PPME1: variants seen among roughly 807,000 people sequenced by gnomAD.
The protein encoded by PPME1 is protein phosphatase methylesterase 1.
PPME1 carries 17 observed loss-of-function variants against 56.9 expected under a neutral mutation model. The ratio of observed to expected loss-of-function variants is 0.30; its 90% CI spans 0.20 to 0.45. PPME1 has a LOEUF of 0.45. PPME1 is among the 20% of genes least tolerant of loss of function. The probability of loss-of-function intolerance (pLI) is 1.00; values close to 1 mark genes in which losing one functional copy is unlikely to be tolerated. For synonymous variants in PPME1, 122 were observed against 156.2 expected (o/e 0.78, Z 1.63); for missense variants, 357 against 483.2 (o/e 0.74, Z 2.45).
intron 13 of PPME1, among the ~76,000 whole-genome samples, chr11:74,252,810 G>C (rs889886130): frequency 6.6e-6 from 1 of 152,132 alleles, no homozygotes; most frequent in Non-Finnish European, 1.5e-5. Context: ...ATCCTAGGTA[G>C]CTCTTCATCT....
intron 11 of PPME1, 133 bp downstream of exon 11, chr11:74,247,256 C>T: frequency 1.5e-6 from 1 of 670,344 alleles, no homozygotes; most frequent in East Asian, 2.8e-5. Flanking sequence ...GGACATCCGC[C>T]TCTACTCCTA....
chr11:74,200,955 A>G (rs1312666641), intron 1 of PPME1, among the ~76,000 whole-genome samples: 1 of 151,720 alleles, frequency 6.6e-6, no homozygotes, highest in Non-Finnish European at 1.5e-5. Flanking sequence ...CCCGAGTGGC[A>G]GGAACTACAG....
At position 74,241,459 on chromosome 11, in the gene PPME1, A is replaced by T. The variant is rs181797412; in HGVS notation, c.834+2203A>T. Among the ~76,000 whole-genome samples, 597 of 152,238 alleles carry T rather than the reference A, an allele frequency of 3.9e-3. 5 individuals carry two copies. Among genetic ancestry groups the T allele is most frequent in the African/African-American group, 0.014 (568 of 41,534 alleles). ...ATACTTCTTTGAACATTTGTGTGCA[A>T]CTTTTTGTGTGGATATAGGCTTTTA... On this transcript the variant is annotated intron_variant, in intron 9 of 13. Coordinates refer to ENST00000328257, the MANE Select transcript of PPME1 (RefSeq NM_016147.3).
In PPME1 at chr11:74,239,405, C is replaced by T. The variant is rs935487488; in HGVS notation, c.834+149C>T. On this transcript the variant is annotated intron_variant, in intron 9 of 13. Transcript: ENST00000328257. ...CTATCATAAGAGATACTTAGCTTAA[C>T]TATAAGATGTAAAGCACTGTTGATA... is the stretch of plus-strand genomic sequence containing the variant. 7 of 1,312,456 alleles carry T rather than the reference C, an allele frequency of 5.3e-6. No individual in the cohort carries two copies. In the Middle Eastern group the frequency reaches 5.8e-4, roughly 109 times the overall value. 81.3% of individuals were successfully genotyped at this position (1,312,456 alleles called of 1,614,324 possible).
At chr11:74,250,787 A>T in intron 11 of PPME1, 167 bp from the exon 12 acceptor site, 1 of 607,120 alleles carries the variant, frequency 1.6e-6, no homozygotes, top group Non-Finnish European at 3.0e-6. Context: ...GCAAGGTTAC[A>T]ATTACTTGTA....
intron 9 of PPME1, among the ~76,000 whole-genome samples, chr11:74,241,208 G>A (rs1012050581): frequency 2.0e-5 from 3 of 152,116 alleles, no homozygotes; most frequent in Non-Finnish European, 4.4e-5. Context: ...TGCCTAATCT[G>A]GACATTAAAT....
rs1859499139 is a variant in PPME1 at position 74,246,225 on chromosome 11, T to C, written c.964+20T>C. 1.3e-6 allele frequency: 2 copies of C among 1,540,014 alleles called. No homozygotes were observed. Among genetic ancestry groups the C allele is most frequent in the Non-Finnish European group, 1.8e-6 (2 of 1,140,764 alleles). On this transcript the variant is annotated intron_variant, in intron 10 of 13. Coordinates refer to ENST00000328257, the MANE Select transcript of PPME1 (RefSeq NM_016147.3). The stretch of plus-strand genomic sequence containing the variant: ...TGGCTGGTAAGTGTATATGTGCATA[T>C]ATTAGTCAGCTCAGGCTGCCATAAC...
rs1859781797 is a variant in PPME1, at chr11:74,254,373, A to G, written c.*863A>G. 6.5e-6 allele frequency: 1 copy of G among 152,782 alleles called. No individual in the cohort carries two copies. Among genetic ancestry groups the G allele is most frequent in the Non-Finnish European group, 1.5e-5 (1 of 68,104 alleles). The allele number at this position is 152,782 out of a possible 1,614,324, so 9.5% of individuals were successfully genotyped here. On this transcript the variant is annotated 3_prime_UTR_variant, in exon 14 of 14. Coordinates refer to ENST00000328257, the MANE Select transcript of PPME1 (RefSeq NM_016147.3). The stretch of plus-strand genomic sequence containing the variant: ...AGTGCCCCCTTGCCTCTTCAAACCT[A>G]CAGCTTCTCTTTGCCATTTGTGGAT...
chr11:74,174,176 A>G (rs113628611), intron 1 of PPME1, among the ~76,000 whole-genome samples: 34 of 152,252 alleles, frequency 2.2e-4, no homozygotes, highest in East Asian at 1.7e-3. Context: ...AGAGTTCTGT[A>G]TTCTATAAGG....
chr11:74,197,512 C>A (rs562907818), intron 1 of PPME1, among the ~76,000 whole-genome samples: 1 of 152,254 alleles, frequency 6.6e-6, no homozygotes, highest in South Asian at 2.1e-4. Context: ...GAAAGGGCAT[C>A]TTTGATCCTC....
chr11:74,171,737 G>C (rs1392179077), intron 1 of PPME1, among the ~76,000 whole-genome samples: 1 of 152,132 alleles, frequency 6.6e-6, no homozygotes, highest in Non-Finnish European at 1.5e-5. Flanking sequence ...GTTGAAGGGA[G>C]AGGGGAATGA....
At chr11:74,181,676 A>G (rs1857542222) in intron 1 of PPME1, among the ~76,000 whole-genome samples, 1 of 152,188 alleles carries the variant, frequency 6.6e-6, no homozygotes, top group African/African-American at 2.4e-5. Flanking sequence ...CATTTAAAAT[A>G]AAGTTCTGAG....
In PPME1 at chr11:74,230,969, C is replaced by T. The variant is rs1206017827; in HGVS notation, c.611C>T (p.Thr204Ile). Residue 204 changes from threonine to isoleucine, a missense_variant, in exon 7 of 14, where the codon ACC becomes ATC. This residue lies in a region of PPME1 where 182 missense variants were observed against 293.8 expected (regional missense o/e 0.62). Transcript: ENST00000328257. This position sits in a 1 kb window ranked among gnomAD's most constrained non-coding sequence, Gnocchi z 4.9. ...AATTTCTTACGGGGTCGTCCTAAAA[C>T]CTTCAAGTCTCTGGAGAATGCTATT... ...MQNFLRGRPK[T>I]FKSLENAIEW... The T allele has an allele frequency of 1.9e-6, 3 of 1,603,802 alleles. No homozygotes were observed. Among genetic ancestry groups the T allele is most frequent in the Non-Finnish European group, 2.6e-6 (3 of 1,174,968 alleles).
chr11:74,252,941 CAG>C (rs1859741386), intron 13 of PPME1, among the ~76,000 whole-genome samples: 1 of 152,232 alleles, frequency 6.6e-6, no homozygotes, highest in African/African-American at 2.4e-5. Context: ...CTTTGATCCT[CAG>C]AGAGCCCACA....
intron 5 of PPME1, among the ~76,000 whole-genome samples, chr11:74,226,574 AT>A (rs1858937373): frequency 6.6e-6 from 1 of 152,182 alleles, no homozygotes; most frequent in Non-Finnish European, 1.5e-5. Flanking sequence ...TTTGTGAATG[AT>A]TTTTAAGGAA....
intron 1 of PPME1, among the ~76,000 whole-genome samples, chr11:74,171,861 CAGGGAAGGTGG>C (rs1857247953): frequency 6.6e-6 from 1 of 151,872 alleles, no homozygotes; most frequent in African/African-American, 2.4e-5. Flanking sequence ...GAGAATCGGC[CAGGGAAGGTGG>C]AGGGAAGTGG....
intron 4 of PPME1, among the ~76,000 whole-genome samples, chr11:74,223,127 A>G (rs1015069658): frequency 2.7e-5 from 4 of 147,004 alleles, no homozygotes; most frequent in African/African-American, 1.0e-4. Context: ...AGAGTGTGAT[A>G]TTCCCCTTCC....
chr11:74,248,662 C>G (rs185771942), intron 11 of PPME1: 2 of 152,166 alleles, frequency 1.3e-5, no homozygotes, highest in Admixed American at 1.3e-4. Context: ...TAAGTAGATG[C>G]TTATAAATGT....
intron 1 of PPME1, among the ~76,000 whole-genome samples, chr11:74,185,600 C>CT (rs1235523401): frequency 2.5e-3 from 342 of 135,476 alleles, no homozygotes; most frequent in Middle Eastern, 8.0e-3. Flanking sequence ...GTTTCAGTGG[C>CT]TTTTTTTTTT....
Sources: gnomAD v4.1 joint callset for allele counts (sites outside exome capture counted in the v4.1 genomes callset) on GRCh38, gnomAD v4.1.1 for gene constraint, gnomAD v4.1.1 regional missense constraint, Gnocchi (gnomAD v3.1) non-coding constraint, MANE v1.5 for transcripts, NCBI Gene and HGNC (gene_info 2026-07-23, HGNC 2026-07-21) for gene names.